The following TERT variants were observed in gnomAD, a reference collection of about 807,000 sequenced individuals.
TERT encodes telomerase catalytic subunit.
In TERT, 42 loss-of-function variants were observed where a neutral mutation model predicts 104.0. That is an observed-to-expected ratio of 0.40 (90% CI 0.32 to 0.52). TERT has a LOEUF of 0.52. Ranked by LOEUF, TERT falls within the 20% of genes least tolerant of loss-of-function variation. The pLI is 0.43. For missense variants in TERT, 1,101 were observed against 1,610.3 expected (o/e 0.68, Z 5.41); for synonymous variants, 781 against 725.6 (o/e 1.08, Z -1.23).
At position 1,284,606 on chromosome 5, in the gene TERT, C is replaced by T. The variant is rs184361420; in HGVS notation, c.1574-1982G>A. ...CTGCACCATCTGGACACTGCACATC[C>T]AGCTCACCGAGGGCCTGGCGACCTC... On this transcript the variant is annotated intron_variant, in intron 2 of 15. Coordinates refer to ENST00000310581, the MANE Select transcript of TERT (RefSeq NM_198253.3). Among the ~76,000 whole-genome samples, 746 of 147,590 alleles carry T rather than the reference C, an allele frequency of 5.1e-3. 11 individuals are homozygous for T. Among genetic ancestry groups the T allele is most frequent in the African/African-American group, 0.018 (708 of 39,476 alleles).
In TERT at chr5:1,270,171, G is replaced by A. The variant is rs1397135000; in HGVS notation, c.2468+948C>T. On this transcript the variant is annotated intron_variant, in intron 8 of 15. Coordinates refer to ENST00000310581, the MANE Select transcript of TERT (RefSeq NM_198253.3). This position sits in a 1 kb window ranked among gnomAD's most constrained non-coding sequence, Gnocchi z 8.3. ...TGTGCAATTTGTGTTTTTCCAGAACGTGTGTACTACTTAATATTTCTAATT... is the reference window on the plus strand; with the variant it reads ...TGTGCAATTTGTGTTTTTCCAGAACATGTGTACTACTTAATATTTCTAATT... 6.6e-6 allele frequency among the ~76,000 whole-genome samples: 1 copy of A among 152,198 alleles called. No homozygotes were observed. The highest frequency in any genetic ancestry group is 1.5e-5 in the Non-Finnish European group (1 of 68,036).
chr5:1,288,652 G>A lies in TERT; in HGVS notation c.1573+4661C>T, dbSNP rs1195499784. On this transcript the variant is annotated intron_variant, in intron 2 of 15. Transcript: ENST00000310581. The surrounding 1 kb of genome is among the most constrained non-coding windows in gnomAD (Gnocchi z 5.3). ...GGGAGAAAACAGGACAAGTGAGGGG[G>A]CTGGGGTGACTTGCTTTCCTTCAGG... 2.6e-5 allele frequency among the ~76,000 whole-genome samples: 4 copies of A among 152,142 alleles called. No homozygotes were observed.
At chr5:1,254,845 G>T (rs992116154) in intron 14 of TERT, among the ~76,000 whole-genome samples, 1 of 151,882 alleles carries the variant, frequency 6.6e-6, no homozygotes, top group Admixed American at 6.5e-5. Flanking sequence ...GGGCTCTGTC[G>T]TGGTGATACG....
chr5:1,294,973 C>A lies in TERT; in HGVS notation c.17G>T (p.Arg6Leu). The part of the protein sequence containing the change: MPRAP[R>L]CRAVRSLLRS... ...CAGCAGGGAGCGCACGGCTCGGCAGCGGGGAGCGCGCGGCATCGCGGGGGT... is the reference window on the plus strand; with the variant it reads ...CAGCAGGGAGCGCACGGCTCGGCAGAGGGGAGCGCGCGGCATCGCGGGGGT... The change falls in exon 1 of 16, where the codon CGC (arginine) becomes CTC (leucine). Residue 6 changes from arginine to leucine, a missense_variant. By Grantham distance (102) the Arg-to-Leu change is moderately radical. Around this residue, in one of 5 missense-constraint regions of TERT, gnomAD observed 87 missense variants for 145.4 expected, o/e 0.60. Coordinates refer to ENST00000310581, the MANE Select transcript of TERT (RefSeq NM_198253.3). The A allele has an allele frequency of 7.5e-7, 1 of 1,330,560 alleles. No homozygotes were observed. Among genetic ancestry groups the A allele is most frequent in the Non-Finnish European group, 9.5e-7 (1 of 1,047,802 alleles). The allele number at this position is 1,330,560 out of a possible 1,614,324, so 82.4% of individuals were successfully genotyped here. A position where few individuals can be genotyped will look rare whatever the true frequency, so the allele number is the denominator to read the frequency against.
In TERT at chr5:1,258,603, C is replaced by T. The variant is rs775582757; in HGVS notation, c.3027G>A (p.Ala1009=). 8.3e-6 allele frequency: 13 copies of T among 1,567,722 alleles called. No individual in the cohort carries two copies. The highest frequency in any genetic ancestry group is 2.7e-5 in the African/African-American group (2 of 74,004). Residue 1009 remains alanine (A), a synonymous_variant, in exon 13 of 16, where the codon GCG becomes GCA. Coordinates refer to ENST00000310581, the MANE Select transcript of TERT (RefSeq NM_198253.3). ...TNIYKILLLQ[A]YRFHACVLQL... ...ACCCCTTGGTGGCGGCTCACCTGTA[C>T]GCCTGCAGCAGGAGGATCTTGTAGA...
chr5:1,284,401 GCAC>G, intron 2 of TERT, among the ~76,000 whole-genome samples: 1 of 147,806 alleles, frequency 6.8e-6, no homozygotes, highest in Non-Finnish European at 1.5e-5. Flanking sequence ...CCCCTGACCT[GCAC>G]CATCCGGACA....
In TERT at chr5:1,279,463, C is replaced by T. The variant is rs890242322; in HGVS notation, c.1958G>A (p.Arg653His). 10 of 1,549,322 alleles carry T rather than the reference C, an allele frequency of 6.5e-6. No individual in the cohort carries two copies. The highest frequency in any genetic ancestry group is 5.5e-5 in the African/African-American group (4 of 73,040). ...CAGTGCCTTCACCCTCGAGGTGAGA[C>T]GCTCGGCCTGGCGGGGACAGCATGG... Reference protein sequence around the residue: ...RTFRREKRAERLTSRVKALFS... With the variant: ...RTFRREKRAEHLTSRVKALFS... Residue 653 changes from arginine to histidine, a missense_variant, in exon 5 of 16, where the codon CGT (arginine) becomes CAT (histidine). Coordinates refer to ENST00000310581, the MANE Select transcript of TERT (RefSeq NM_198253.3).
chr5:1,274,664 G>A lies in TERT; in HGVS notation c.2287-2384C>T, dbSNP rs969755605. Among the ~76,000 whole-genome samples the A allele has an allele frequency of 1.3e-5, 2 of 152,212 alleles. No homozygotes were observed. Among genetic ancestry groups the A allele is most frequent in the Non-Finnish European group, 2.9e-5 (2 of 68,024 alleles). On this transcript the variant is annotated intron_variant, in intron 6 of 15. Coordinates refer to ENST00000310581, the MANE Select transcript of TERT (RefSeq NM_198253.3). The surrounding 1 kb of genome is among the most constrained non-coding windows in gnomAD (Gnocchi z 5.3). ...GATCTGAGAGGGGCGGGGCTCAGGC[G>A]GGAACGCTGGCTCCCCACACCCCAC... is the stretch of plus-strand genomic sequence containing the variant.
chr5:1,267,914 C>G (rs111474921), intron 9 of TERT, among the ~76,000 whole-genome samples: 2 of 152,032 alleles, frequency 1.3e-5, no homozygotes, highest in African/African-American at 4.8e-5. Flanking sequence ...AGCACACCAA[C>G]ATGGCACATG....
intron 12 of TERT, 80 bp downstream of exon 12, chr5:1,260,394 A>ACG (rs369573143): frequency 1.5e-5 from 24 of 1,594,456 alleles, no homozygotes; most frequent in Middle Eastern, 1.7e-4. Context: ...CCTTGCAGGC[A>ACG]CGCGCGCACA....
intron 7 of TERT, 118 bp from the exon 8 acceptor site, chr5:1,271,322 C>T (rs1579563707): frequency 1.3e-6 from 1 of 770,482 alleles, no homozygotes; most frequent in African/African-American, 1.7e-5. Flanking sequence ...AAGTGCGGGG[C>T]TGGGCTGGAA....
Position 1,294,973 on chromosome 5 carries a change from C to T in TERT, c.17G>A (p.Arg6His). The stretch of plus-strand genomic sequence containing the variant: ...CAGCAGGGAGCGCACGGCTCGGCAG[C>T]GGGGAGCGCGCGGCATCGCGGGGGT... MPRAP[R>H]CRAVRSLLRS... Residue 6 changes from arginine to histidine, a missense_variant, in exon 1 of 16, where the codon CGC becomes CAC. Arg to His is a conservative substitution (Grantham distance 29, BLOSUM62 0). Coordinates refer to ENST00000310581, the MANE Select transcript of TERT (RefSeq NM_198253.3). 7.5e-7 allele frequency: 1 copy of T among 1,330,560 alleles called. No homozygotes were observed. Among genetic ancestry groups the T allele is most frequent in the South Asian group, 2.2e-5 (1 of 46,476 alleles). 82.4% of individuals were successfully genotyped at this position (1,330,560 alleles called of 1,614,324 possible).
In TERT at chr5:1,257,338, T is replaced by C. The variant is rs1747820313; in HGVS notation, c.3032+1260A>G. Among the ~76,000 whole-genome samples, 1 of 151,992 alleles carries C rather than the reference T, an allele frequency of 6.6e-6. No homozygotes were observed. The highest frequency in any genetic ancestry group is 1.5e-5 in the Non-Finnish European group (1 of 67,966). Reference sequence around the variant, plus strand: ...ACCTGGGAAAACTCCTCTGACCTCATCATGGCCCAAGGAGGCCCCAAGCAC... The same window carrying C: ...ACCTGGGAAAACTCCTCTGACCTCACCATGGCCCAAGGAGGCCCCAAGCAC... On this transcript the variant is annotated intron_variant, in intron 13 of 15. Transcript: ENST00000310581. This position sits in a 1 kb window ranked among gnomAD's most constrained non-coding sequence, Gnocchi z 5.6.
At chr5:1,258,351 C>A (rs549752971) in intron 13 of TERT, among the ~76,000 whole-genome samples, 1 of 152,400 alleles carries the variant, frequency 6.6e-6, no homozygotes, top group African/African-American at 2.4e-5. Flanking sequence ...CGTCCCACGG[C>A]CAGTGCACAG....
At position 1,282,568 on chromosome 5, in the gene TERT, A is replaced by G. The variant is rs1366890775; in HGVS notation, c.1630T>C (p.Phe544Leu). ...TACACACTCATCAGCCAGTGCAGGA[A>G]CTTGGCCAGGATCTCCTCACGCAGA... ...HRLREEILAKFLHWLMSVYVV... is the reference protein window; with the variant it reads ...HRLREEILAKLLHWLMSVYVV... The change falls in exon 3 of 16, where the codon TTC becomes CTC. Residue 544 changes from phenylalanine to leucine, a missense_variant. Phe to Leu is a conservative substitution (Grantham distance 22). Around this residue, in one of 5 missense-constraint regions of TERT, gnomAD observed 504 missense variants for 544.6 expected, o/e 0.93. Transcript: ENST00000310581. 1 of 1,614,138 alleles carries G rather than the reference A, an allele frequency of 6.2e-7. No homozygotes were observed. The highest frequency in any genetic ancestry group is 8.5e-7 in the Non-Finnish European group (1 of 1,180,032).
Position 1,258,668 on chromosome 5 carries a change from G to T in TERT, c.2971-9C>A. 2 of 1,563,204 alleles carry T rather than the reference G, an allele frequency of 1.3e-6. No individual in the cohort carries two copies. The highest frequency in any genetic ancestry group is 1.2e-5 in the South Asian group (1 of 84,756). On this transcript the variant is annotated splice_polypyrimidine_tract_variant and intron_variant, in intron 12 of 15. Coordinates refer to ENST00000310581, the MANE Select transcript of TERT (RefSeq NM_198253.3). ...GTCTGGAGGCTGTTCACCTAGAGTCGCCAAGAAAGAGTGAGAAACGGTAGA... is the reference window on the plus strand; with the variant it reads ...GTCTGGAGGCTGTTCACCTAGAGTCTCCAAGAAAGAGTGAGAAACGGTAGA...
At chr5:1,275,586 C>T (rs994992427) in intron 6 of TERT, among the ~76,000 whole-genome samples, 1 of 151,988 alleles carries the variant, frequency 6.6e-6, no homozygotes, top group Non-Finnish European at 1.5e-5. Flanking sequence ...GGCCTCCACA[C>T]CCCTGACTTA....
intron 15 of TERT, 103 bp from the exon 16 acceptor site, chr5:1,253,934 G>A (rs1003573277): frequency 4.0e-5 from 51 of 1,289,048 alleles, no homozygotes; most frequent in Non-Finnish European, 5.2e-5. Flanking sequence ...CCTGCACCTC[G>A]TGGCCCTGGC....
At position 1,261,355 on chromosome 5, in the gene TERT, G is replaced by A. The variant is rs564128059; in HGVS notation, c.2844-755C>T. Among the ~76,000 whole-genome samples the A allele has an allele frequency of 2.0e-5, 3 of 152,302 alleles. No individual in the cohort carries two copies. The East Asian group carries it at 5.8e-4, about 29-fold the overall frequency. On this transcript the variant is annotated intron_variant, in intron 11 of 15. Transcript: ENST00000310581. This position sits in a 1 kb window ranked among gnomAD's most constrained non-coding sequence, Gnocchi z 7.4. ...TGATGCATAATATCTCCTTAGCCCT[G>A]TATTTGGGCAGGTTCGTGACTTGCT...
Sources: gnomAD v4.1 joint callset for allele counts (sites outside exome capture counted in the v4.1 genomes callset) on GRCh38, gnomAD v4.1.1 for gene constraint, gnomAD v4.1.1 regional missense constraint, Gnocchi (gnomAD v3.1) non-coding constraint, MANE v1.5 for transcripts, NCBI Gene and HGNC (gene_info 2026-07-23, HGNC 2026-07-21) for gene names.